MED25: variants seen among roughly 807,000 people sequenced by gnomAD.
The protein encoded by MED25 is mediator of RNA polymerase II transcription subunit 25.
Under a neutral mutation model 89.4 loss-of-function variants are expected in MED25, and 62 were observed. That is an observed-to-expected ratio of 0.69 (90% CI 0.57 to 0.86). The LOEUF is 0.86. Among genes scored for constraint, MED25 ranks in the 40% least tolerant of loss-of-function variants. The pLI, the probability that MED25 is intolerant of heterozygous loss-of-function variation, is 0.00. For missense variants in MED25, 905 were observed against 1,005.2 expected, an observed-to-expected ratio of 0.90 and a Z score of 1.35; for synonymous variants, 449 against 427.9, an observed-to-expected ratio of 1.05 and a Z score of -0.61.
chr19:49,828,878 C>CGGAA lies in MED25; in HGVS notation c.405-91_405-88dup, dbSNP rs569804122. ...GCGTTGCTTCTGATTCCATGTGAGG[C>CGGAA]GGAATATGTGCATCTCCGCTGGTGC... On this transcript the variant is annotated intron_variant, in intron 4 of 17. Transcript: ENST00000312865. The CGGAA allele has an allele frequency of 2.3e-4, 370 of 1,579,774 alleles. No individual in the cohort carries two copies. In the African/African-American group the frequency reaches 4.5e-3, roughly 19 times the overall value.
At chr19:49,828,890 A>G (rs2123876475) in intron 4 of MED25, 80 bp from the exon 5 acceptor site, 2 of 1,596,320 alleles carry the variant, frequency 1.3e-6, no homozygotes, top group Non-Finnish European at 1.7e-6. Context: ...GAATATGTGC[A>G]TCTCCGCTGG....
chr19:49,837,101 C>T (rs2074104944), downstream of MED25: 3 of 710,410 alleles, frequency 4.2e-6, no homozygotes, highest in Admixed American at 6.4e-5. Flanking sequence ...GACGCTGGGG[C>T]CTCCGTGGTG....
At chr19:49,833,682 C>T (rs1021608825) in intron 13 of MED25, 1 of 152,254 alleles carries the variant, frequency 6.6e-6, no homozygotes, top group Non-Finnish European at 1.5e-5. Context: ...TGGGCCATCT[C>T]GCTTGGCGAC....
rs549136898 is a variant in MED25, at chr19:49,819,266, A to G, written c.275A>G (p.Tyr92Cys). ...VQCHAPTSSA[Y>C]EFVTWLDGIK... The stretch of plus-strand genomic sequence containing the variant: ...TGTCACGCTCCCACCAGCAGCGCCT[A>G]TGAGTTTGTCACCTGGCTCGATGGC... Residue 92 changes from tyrosine to cysteine, a missense_variant, in exon 3 of 18, where the codon TAT (tyrosine) becomes TGT (cysteine). Coordinates refer to ENST00000312865, the MANE Select transcript of MED25 (RefSeq NM_030973.4). The G allele has an allele frequency of 6.8e-6, 11 of 1,614,174 alleles. No homozygotes were observed. The highest frequency in any genetic ancestry group is 9.3e-6 in the Non-Finnish European group (11 of 1,180,016).
At chr19:49,823,625 G>A (rs1162459341) in intron 3 of MED25, among the ~76,000 whole-genome samples, 2 of 152,156 alleles carry the variant, frequency 1.3e-5, no homozygotes, top group East Asian at 3.9e-4. Flanking sequence ...ACACCTGTTC[G>A]TAGCGGCCGT....
chr19:49,825,661 G>T (rs1472211815), intron 3 of MED25, among the ~76,000 whole-genome samples: 1 of 151,680 alleles, frequency 6.6e-6, no homozygotes, highest in African/African-American at 2.4e-5. Context: ...GAGAAACCCT[G>T]TCTCTACTAA....
In MED25 at chr19:49,823,522, G is replaced by A. The variant is rs915038067; in HGVS notation, c.305+4226G>A. 3.3e-5 allele frequency among the ~76,000 whole-genome samples: 5 copies of A among 151,770 alleles called. No individual in the cohort carries two copies. In the South Asian group the frequency reaches 1.0e-3, roughly 32 times the overall value. On this transcript the variant is annotated intron_variant, in intron 3 of 17. Coordinates refer to ENST00000312865, the MANE Select transcript of MED25 (RefSeq NM_030973.4). The stretch of plus-strand genomic sequence containing the variant: ...CCTGGTTTGCAAATGGATAATGGTC[G>A]CGTGTATCTCCGTGTTGTTAGAAGA...
Position 49,831,805 on chromosome 19 carries a change from G to A in MED25, c.1231-131G>A. 1 of 848,734 alleles carries A rather than the reference G, an allele frequency of 1.2e-6. No homozygotes were observed. The highest frequency in any genetic ancestry group is 1.4e-5 in the South Asian group (1 of 71,062). The allele number at this position is 848,734 out of a possible 1,614,324, so 52.6% of individuals were successfully genotyped here. On this transcript the variant is annotated intron_variant, in intron 10 of 17. Coordinates refer to ENST00000312865, the MANE Select transcript of MED25 (RefSeq NM_030973.4). The surrounding 1 kb of genome is among the most constrained non-coding windows in gnomAD (Gnocchi z 5.0). The stretch of plus-strand genomic sequence containing the variant: ...ACTGAAGGCTTGCTGGTCTGGAGGA[G>A]GGGCCTGGGGCTCATGGGACTTAAA...
Position 49,818,300 on chromosome 19 carries a change from T to C in MED25, c.-42T>C, listed in dbSNP as rs747456673. ...GCGCATTTCTGCTCATTCCGCGGCGTCGGCTGCGGCTGCAGTGGTGGTGGC... is the reference window on the plus strand; with the variant it reads ...GCGCATTTCTGCTCATTCCGCGGCGCCGGCTGCGGCTGCAGTGGTGGTGGC... On this transcript the variant is annotated 5_prime_UTR_variant, in exon 1 of 18. Coordinates refer to ENST00000312865, the MANE Select transcript of MED25 (RefSeq NM_030973.4). The C allele has an allele frequency of 1.3e-6, 2 of 1,554,502 alleles. No homozygotes were observed. The highest frequency in any genetic ancestry group is 2.4e-5 in the East Asian group (1 of 41,594).
chr19:49,829,105 G>C lies in MED25; in HGVS notation c.525+15G>C. Reference sequence around the variant, plus strand: ...AGATTGGGGAGGTGAGGACTCCAGGGTCTGAGGGACGAGGGTCTGGGGGCC... The same window carrying C: ...AGATTGGGGAGGTGAGGACTCCAGGCTCTGAGGGACGAGGGTCTGGGGGCC... On this transcript the variant is annotated intron_variant, in intron 5 of 17. Transcript: ENST00000312865. The surrounding 1 kb of genome is among the most constrained non-coding windows in gnomAD (Gnocchi z 4.6). The C allele has an allele frequency of 6.2e-7, 1 of 1,611,268 alleles. No homozygotes were observed.
At chr19:49,828,075 A>G (rs1338618462) in intron 3 of MED25, among the ~76,000 whole-genome samples, 1 of 152,092 alleles carries the variant, frequency 6.6e-6, no homozygotes, top group Non-Finnish European at 1.5e-5. Flanking sequence ...TAAAAATACA[A>G]AAAATTAGCC....
rs776084741 is a variant in MED25 at position 49,835,880 on chromosome 19, A to G, written c.1900A>G (p.Ile634Val). 1.9e-6 allele frequency: 3 copies of G among 1,612,480 alleles called. No homozygotes were observed. The Admixed American group carries it at 5.0e-5, about 27-fold the overall frequency. Residue 634 changes from isoleucine (I) to valine (V), a missense_variant, in exon 16 of 18, where the codon ATC becomes GTC. This residue lies in a region of MED25 where 271 missense variants were observed against 258.1 expected (regional missense o/e 1.05). Transcript: ENST00000312865. The surrounding 1 kb of genome is among the most constrained non-coding windows in gnomAD (Gnocchi z 6.2). ...TTCTGGCCCACCCCCTCCTGGACCC[A>G]TCCTTCGGCCCCAGAACCCTGGGGC... ...AASGPPPPGP[I>V]LRPQNPGANP...
chr19:49,831,903 C>T lies in MED25; in HGVS notation c.1231-33C>T. 1 of 1,601,988 alleles carries T rather than the reference C, an allele frequency of 6.2e-7. No homozygotes were observed. The highest frequency in any genetic ancestry group is 8.6e-7 in the Non-Finnish European group (1 of 1,168,974). ...CTCAAGGGGACTGAGGCTTATGGCC[C>T]TTTTTACTGACATGCTCTTTTTTCC... is the stretch of plus-strand genomic sequence containing the variant. On this transcript the variant is annotated intron_variant, in intron 10 of 17. Transcript: ENST00000312865. The surrounding 1 kb of genome is among the most constrained non-coding windows in gnomAD (Gnocchi z 5.0).
In MED25 at chr19:49,831,703, G is replaced by A. The variant is rs2074058786; in HGVS notation, c.1231-233G>A. ...CCCAGGATTTGGGGCCCAGAGAAGAGCCCAGGCGATGTATCATCTGGGGCA... is the reference window on the plus strand; with the variant it reads ...CCCAGGATTTGGGGCCCAGAGAAGAACCCAGGCGATGTATCATCTGGGGCA... On this transcript the variant is annotated intron_variant, in intron 10 of 17. Coordinates refer to ENST00000312865, the MANE Select transcript of MED25 (RefSeq NM_030973.4). This position sits in a 1 kb window ranked among gnomAD's most constrained non-coding sequence, Gnocchi z 5.0. Among the ~76,000 whole-genome samples, 1 of 152,110 alleles carries A rather than the reference G, an allele frequency of 6.6e-6. No individual in the cohort carries two copies. The highest frequency in any genetic ancestry group is 1.5e-5 in the Non-Finnish European group (1 of 68,014).
Position 49,828,497 on chromosome 19 carries a change from C to G in MED25, c.354C>G (p.Leu118=). The G allele has an allele frequency of 6.2e-7, 1 of 1,614,130 alleles. No homozygotes were observed. Among genetic ancestry groups the G allele is most frequent in the African/African-American group, 1.3e-5 (1 of 75,046 alleles). ...GESCSLIAEG[L]STALQLFDDF... ...GCTGCAGCCTCATCGCGGAAGGACT[C>G]AGCACAGCCTTGCAGCTGTTTGATG... Residue 118 remains leucine (L), a synonymous_variant, in exon 4 of 18, where the codon CTC becomes CTG. Transcript: ENST00000312865.
In MED25 at chr19:49,834,827, C is replaced by G; in HGVS notation, c.1483-159C>G. 4 of 736,002 alleles carry G rather than the reference C, an allele frequency of 5.4e-6. No homozygotes were observed. The South Asian group carries it at 6.3e-5, about 12-fold the overall frequency. The allele number at this position is 736,002 out of a possible 1,614,324, so 45.6% of individuals were successfully genotyped here. A position where few individuals can be genotyped will look rare whatever the true frequency, so the allele number is the denominator to read the frequency against. On this transcript the variant is annotated intron_variant, in intron 13 of 17. Transcript: ENST00000312865. This position sits in a 1 kb window ranked among gnomAD's most constrained non-coding sequence, Gnocchi z 4.1. ...GCCCTGAGCGCCTCAGTTTCTGTCT[C>G]CAGAGCAACCCATAGCACACCTGTT...
rs1403801287 is a variant in MED25, at chr19:49,834,862, C to T, written c.1483-124C>T. ...CCATAGCACACCTGTTCTCCTTAACCTTCTATAGCAGAAACCTCACCTCAC... is the reference window on the plus strand; with the variant it reads ...CCATAGCACACCTGTTCTCCTTAACTTTCTATAGCAGAAACCTCACCTCAC... On this transcript the variant is annotated intron_variant, in intron 13 of 17. Coordinates refer to ENST00000312865, the MANE Select transcript of MED25 (RefSeq NM_030973.4). This position sits in a 1 kb window ranked among gnomAD's most constrained non-coding sequence, Gnocchi z 4.1. The T allele has an allele frequency of 6.9e-6, 7 of 1,010,290 alleles. No individual in the cohort carries two copies. Among genetic ancestry groups the T allele is most frequent in the South Asian group, 1.3e-5 (1 of 77,540 alleles). The allele number at this position is 1,010,290 out of a possible 1,614,324, so 62.6% of individuals were successfully genotyped here.
In MED25 at chr19:49,836,966, T is replaced by TC; in HGVS notation, c.*24dup. The TC allele has an allele frequency of 6.3e-7, 1 of 1,595,796 alleles. No individual in the cohort carries two copies. Among genetic ancestry groups the TC allele is most frequent in the Non-Finnish European group, 8.6e-7 (1 of 1,166,340 alleles). On this transcript the variant is annotated 3_prime_UTR_variant, in exon 18 of 18. Transcript: ENST00000312865. The surrounding 1 kb of genome is among the most constrained non-coding windows in gnomAD (Gnocchi z 5.1). ...CTGAATCCCCAACACCCAATAAAGT[T>TC]CCTTTTTAACACACGCCCCGGCTCC... is the stretch of plus-strand genomic sequence containing the variant.
At chr19:49,821,376 G>C (rs1352032591) in intron 3 of MED25, among the ~76,000 whole-genome samples, 3 of 152,188 alleles carry the variant, frequency 2.0e-5, no homozygotes, top group Non-Finnish European at 4.4e-5. Flanking sequence ...CGACCTCCTG[G>C]GCTCAAGCTC....
Sources: gnomAD v4.1 joint callset for allele counts (sites outside exome capture counted in the v4.1 genomes callset) on GRCh38, gnomAD v4.1.1 for gene constraint, gnomAD v4.1.1 regional missense constraint, Gnocchi (gnomAD v3.1) non-coding constraint, MANE v1.5 for transcripts, NCBI Gene and HGNC (gene_info 2026-07-23, HGNC 2026-07-21) for gene names.